Variants in IPCEF1 observed in about 807,000 individuals in gnomAD.
IPCEF1 encodes the protein interactor protein for cytohesin exchange factors 1.
A neutral mutation model predicts 50.9 loss-of-function variants in IPCEF1; 31 were observed. The observed-to-expected ratio is 0.61, with a 90% CI of 0.46 to 0.82. The LOEUF is 0.82. Among genes scored for constraint, IPCEF1 ranks in the 40% least tolerant of loss-of-function variants. The pLI is 0.00. For missense variants in IPCEF1, 458 were observed against 514.0 expected, an observed-to-expected ratio of 0.89 and a Z score of 1.05; for synonymous variants, 181 against 192.0, an observed-to-expected ratio of 0.94 and a Z score of 0.47.
intron 3 of IPCEF1, 78 bp downstream of exon 3, chr6:154,265,834 C>A: frequency 9.7e-7 from 1 of 1,027,874 alleles, no homozygotes. Context: ...GCTAGCCAAA[C>A]TTGAAATCAA....
intron 2 of IPCEF1, among the ~76,000 whole-genome samples, chr6:154,268,584 G>C (rs1277764994): frequency 6.6e-6 from 1 of 151,972 alleles, no homozygotes; most frequent in Non-Finnish European, 1.5e-5. Context: ...ATGCACATCT[G>C]ACTATTCACC....
intron 3 of IPCEF1, among the ~76,000 whole-genome samples, chr6:154,264,639 G>A (rs1396887828): frequency 1.3e-5 from 2 of 152,122 alleles, no homozygotes; most frequent in Non-Finnish European, 2.9e-5. Flanking sequence ...CTGCCAAAGT[G>A]CTGGGATTAC....
At chr6:154,343,044 A>G (rs994645457) in intron 1 of IPCEF1, among the ~76,000 whole-genome samples, 2 of 152,150 alleles carry the variant, frequency 1.3e-5, no homozygotes, top group African/African-American at 4.8e-5. Context: ...TGAGCCCAGG[A>G]GCTGAAGGCT....
intron 5 of IPCEF1, 43 bp downstream of exon 5, chr6:154,246,548 C>G: frequency 6.4e-7 from 1 of 1,571,752 alleles, no homozygotes. Context: ...TAACGTATCC[C>G]TCATTAAAAC....
At chr6:154,295,895 ACACACACACACACACG>A (rs1205485046) in intron 1 of IPCEF1, among the ~76,000 whole-genome samples, 2 of 51,716 alleles carry the variant, frequency 3.9e-5, no homozygotes, top group Non-Finnish European at 6.1e-5. Context: ...ACACATGCGT[ACACACACACACACACG>A]CACACACACA....
chr6:154,318,080 C>G (rs1038254397), intron 1 of IPCEF1, among the ~76,000 whole-genome samples: 10 of 152,090 alleles, frequency 6.6e-5, no homozygotes, highest in Admixed American at 6.6e-4. Context: ...CAAAAGAAGT[C>G]AGATATGTAA....
intron 10 of IPCEF1, among the ~76,000 whole-genome samples, chr6:154,191,183 A>G (rs983434522): frequency 6.6e-6 from 1 of 152,196 alleles, no homozygotes; most frequent in East Asian, 1.9e-4. Context: ...GACATTCTGG[A>G]AAAGGTAAAA....
intron 7 of IPCEF1, among the ~76,000 whole-genome samples, chr6:154,219,534 T>A (rs547001343): frequency 6.6e-6 from 1 of 152,254 alleles, no homozygotes; most frequent in South Asian, 2.1e-4. Context: ...CTGACCTCAC[T>A]ATCACAGGGC....
At position 154,246,745 on chromosome 6, in the gene IPCEF1, C is replaced by G. The variant is rs765135787; in HGVS notation, c.92G>C (p.Ser31Thr). The G allele has an allele frequency of 2.5e-6, 4 of 1,613,912 alleles. No homozygotes were observed. In the Admixed American group the frequency reaches 5.0e-5, roughly 20 times the overall value. Residue 31 changes from serine (S) to threonine (T), a missense_variant, in exon 5 of 12, where the codon AGT becomes ACT. Physicochemically the swap from Ser to Thr is moderately conservative, Grantham distance 58. Coordinates refer to ENST00000367220, the MANE Select transcript of IPCEF1 (RefSeq NM_001130700.2). ...RRKTQGFLTM[S>T]RRRISCKDLG... ...ATCTTTACACGATATCCTCCTCCGA[C>G]TCATCGTGAGAAAACCTGCAATGAT...
At position 154,156,097 on chromosome 6, in the gene IPCEF1, C is replaced by T. The variant is rs1798703360; in HGVS notation, c.*3731G>A. On this transcript the variant is annotated 3_prime_UTR_variant, in exon 12 of 12. Transcript: ENST00000367220. ...ATTTCTTTAAATATATGTTTTTCAT[C>T]CAAGGATCACACAGCACCTCCCAAG... 2.0e-5 allele frequency: 3 copies of T among 152,130 alleles called. No individual in the cohort carries two copies. Among genetic ancestry groups the T allele is most frequent in the Admixed American group, 2.0e-4 (3 of 15,262 alleles). 9.4% of individuals were successfully genotyped at this position (152,130 alleles called of 1,614,324 possible). A position where few individuals can be genotyped will look rare whatever the true frequency, so the allele number is the denominator to read the frequency against.
At chr6:154,217,589 G>A (rs1194429525) in intron 7 of IPCEF1, 1 of 152,090 alleles carries the variant, frequency 6.6e-6, no homozygotes, top group African/African-American at 2.4e-5. Context: ...AGTGAGGTGA[G>A]GATATAGGAA....
intron 10 of IPCEF1, among the ~76,000 whole-genome samples, chr6:154,192,853 T>C (rs948772912): frequency 9.2e-5 from 14 of 152,106 alleles, no homozygotes; most frequent in African/African-American, 3.4e-4. Flanking sequence ...AGAATGTCCG[T>C]AACTAAAAAA....
chr6:154,318,422 G>A (rs12197034), intron 1 of IPCEF1, among the ~76,000 whole-genome samples: 4,042 of 152,200 alleles, frequency 0.027, 82 homozygotes, highest in Middle Eastern at 0.041. Context: ...ACAAATGAAG[G>A]AATAATGTAG....
chr6:154,339,116 C>T (rs909399139), intron 1 of IPCEF1, among the ~76,000 whole-genome samples: 1 of 152,044 alleles, frequency 6.6e-6, no homozygotes, highest in African/African-American at 2.4e-5. Flanking sequence ...GTAACTGCTG[C>T]TAATCAGGGT....
chr6:154,243,528 GGTC>G (rs1296389856), intron 5 of IPCEF1, among the ~76,000 whole-genome samples: 10 of 152,182 alleles, frequency 6.6e-5, no homozygotes, highest in Non-Finnish European at 1.3e-4. Flanking sequence ...AGGTGAGGCT[GGTC>G]TTCCCAGGCA....
At chr6:154,247,702 A>C (rs1411225707) in intron 3 of IPCEF1, 3 of 452,100 alleles carry the variant, frequency 6.6e-6, no homozygotes, top group Admixed American at 3.7e-5. Context: ...AAAAAAAAAA[A>C]GTCACAGAGC....
chr6:154,253,114 T>G (rs1165947043), intron 3 of IPCEF1, among the ~76,000 whole-genome samples: 1 of 152,198 alleles, frequency 6.6e-6, no homozygotes, highest in Non-Finnish European at 1.5e-5. Context: ...CTCTGTGTAC[T>G]CCTTCCCTTT....
chr6:154,320,306 C>G (rs1467876188), intron 1 of IPCEF1, among the ~76,000 whole-genome samples: 5 of 152,096 alleles, frequency 3.3e-5, no homozygotes, highest in African/African-American at 1.2e-4. Context: ...AATTCAAAAC[C>G]TTGCCTTTTT....
chr6:154,212,736 C>G (rs772273479), intron 9 of IPCEF1, 34 bp downstream of exon 9: 1 of 1,394,226 alleles, frequency 7.2e-7, no homozygotes, highest in South Asian at 1.2e-5. Context: ...CATGTCTGAT[C>G]GATGACCAAC....
Sources: gnomAD v4.1 joint callset for allele counts (sites outside exome capture counted in the v4.1 genomes callset) on GRCh38, gnomAD v4.1.1 for gene constraint, MANE v1.5 for transcripts, NCBI Gene and HGNC (gene_info 2026-07-23, HGNC 2026-07-21) for gene names.